Variants in ARNT2 observed in about 807,000 individuals in gnomAD.
ARNT2 encodes ARNT protein 2.
Under a neutral mutation model 91.7 loss-of-function variants are expected in ARNT2, and 36 were observed. The observed-to-expected ratio is 0.39, with a 90% confidence interval of 0.30 to 0.52. ARNT2 has a LOEUF of 0.52. Ranked by LOEUF, ARNT2 falls within the 20% of genes least tolerant of loss-of-function variation. The probability of loss-of-function intolerance (pLI) is 0.72; values close to 1 mark genes in which losing one functional copy is unlikely to be tolerated. For missense variants in ARNT2, 775 were observed against 939.3 expected (o/e 0.83, Z 2.29); for synonymous variants, 365 against 347.1 (o/e 1.05, Z -0.57).
chr15:80,513,557 C>T (rs1459098440), intron 6 of ARNT2, among the ~76,000 whole-genome samples: 1 of 152,096 alleles, frequency 6.6e-6, no homozygotes, highest in Non-Finnish European at 1.5e-5. Flanking sequence ...CACCCTCTTC[C>T]CTTCTTTCCT....
chr15:80,419,763 C>T (rs537204127), intron 1 of ARNT2, among the ~76,000 whole-genome samples: 1 of 152,328 alleles, frequency 6.6e-6, no homozygotes, highest in Admixed American at 6.5e-5. Flanking sequence ...GGAGAAAAAG[C>T]TGAACAGACA....
chr15:80,545,359 A>G (rs555195029), intron 8 of ARNT2, among the ~76,000 whole-genome samples: 56 of 152,232 alleles, frequency 3.7e-4, no homozygotes, highest in Non-Finnish European at 7.5e-4. Flanking sequence ...TTAAAGGCAC[A>G]TGTGTGCTGT....
At chr15:80,537,691 T>C (rs1463704966) in intron 8 of ARNT2, among the ~76,000 whole-genome samples, 2 of 152,180 alleles carry the variant, frequency 1.3e-5, no homozygotes, top group South Asian at 2.1e-4. Flanking sequence ...AAAATATTTG[T>C]GTACCTCCAA....
chr15:80,531,672 A>G (rs770932245), intron 8 of ARNT2, among the ~76,000 whole-genome samples: 1 of 152,114 alleles, frequency 6.6e-6, no homozygotes, highest in Non-Finnish European at 1.5e-5. Flanking sequence ...TTTCCCCACT[A>G]ACCGGTAAAA....
intron 8 of ARNT2, among the ~76,000 whole-genome samples, chr15:80,523,243 G>T (rs1005962648): frequency 4.6e-5 from 7 of 152,230 alleles, no homozygotes; most frequent in Non-Finnish European, 8.8e-5. Context: ...AGATTTCCGA[G>T]AGTGGCCCAG....
intron 12 of ARNT2, among the ~76,000 whole-genome samples, chr15:80,568,227 G>C (rs982173719): frequency 6.6e-6 from 1 of 152,180 alleles, no homozygotes; most frequent in Admixed American, 6.5e-5. Flanking sequence ...GCACTGGGGG[G>C]CCAAGACTCA....
chr15:80,472,069 G>A (rs4778796), intron 4 of ARNT2, among the ~76,000 whole-genome samples: 119,591 of 151,870 alleles, frequency 0.79, 47,271 homozygotes, highest in East Asian at 0.95. Flanking sequence ...GATAAATGAG[G>A]TGATGGATTT....
At chr15:80,441,642 G>C (rs1449068675) in intron 1 of ARNT2, among the ~76,000 whole-genome samples, 1 of 152,188 alleles carries the variant, frequency 6.6e-6, no homozygotes, top group Non-Finnish European at 1.5e-5. Context: ...GAAATGTAGG[G>C]AGAGCAAGAT....
chr15:80,479,792 T>A (rs1896858817), intron 5 of ARNT2, among the ~76,000 whole-genome samples: 1 of 152,184 alleles, frequency 6.6e-6, no homozygotes, highest in South Asian at 2.1e-4. Context: ...TGGCTCATTT[T>A]GGTCTACCTG....
Position 80,571,048 on chromosome 15 carries a change from G to A in ARNT2, c.1317-3100G>A, listed in dbSNP as rs114765481. Among the ~76,000 whole-genome samples, 812 of 152,292 alleles carry A rather than the reference G, an allele frequency of 5.3e-3. 9 individuals are homozygous for A. The highest frequency in any genetic ancestry group is 0.018 in the African/African-American group (732 of 41,550). On this transcript the variant is annotated intron_variant, in intron 12 of 18. Transcript: ENST00000303329. ...CAGATCATACATATTTTATAATGCC[G>A]AGTAAAAGAGTTTAGAAACAGAATC... is the stretch of plus-strand genomic sequence containing the variant.
chr15:80,499,667 T>A (rs1343259652), intron 5 of ARNT2, among the ~76,000 whole-genome samples: 1 of 152,212 alleles, frequency 6.6e-6, no homozygotes, highest in African/African-American at 2.4e-5. Flanking sequence ...GGACTCTGAT[T>A]GGCCTGGTTG....
intron 1 of ARNT2, among the ~76,000 whole-genome samples, chr15:80,413,258 C>G (rs181246886): frequency 3.7e-4 from 57 of 152,316 alleles, no homozygotes; most frequent in Non-Finnish European, 7.1e-4. Flanking sequence ...CCCTCCACCC[C>G]CTCCCTTACC....
intron 11 of ARNT2, 59 bp downstream of exon 11, chr15:80,555,198 G>T: frequency 6.4e-7 from 1 of 1,569,322 alleles, no homozygotes; most frequent in Non-Finnish European, 8.8e-7. Context: ...TGTGGATGTG[G>T]CTGGCAGGAC....
intron 10 of ARNT2, among the ~76,000 whole-genome samples, chr15:80,554,344 G>C (rs999772375): frequency 2.0e-5 from 3 of 152,170 alleles, no homozygotes; most frequent in Non-Finnish European, 4.4e-5. Flanking sequence ...AGGAGGCGGA[G>C]GTTGCAGTGA....
At chr15:80,513,832 A>G in intron 6 of ARNT2, 79 bp from the exon 7 acceptor site, 2 of 1,234,828 alleles carry the variant, frequency 1.6e-6, no homozygotes, top group Non-Finnish European at 2.4e-6. Context: ...ATTAAGGCTC[A>G]TCTACTTGAT....
chr15:80,429,661 G>A (rs950803517), intron 1 of ARNT2, among the ~76,000 whole-genome samples: 12 of 152,196 alleles, frequency 7.9e-5, no homozygotes, highest in East Asian at 1.9e-4. Flanking sequence ...TAGGAGGCTC[G>A]GACGTGTGAT....
intron 14 of ARNT2, among the ~76,000 whole-genome samples, chr15:80,576,284 T>TG (rs1045099124): frequency 2.5e-4 from 17 of 67,912 alleles, no homozygotes; most frequent in Non-Finnish European, 9.1e-4. Context: ...TCTCATTAAT[T>TG]TTTTTTTTTT....
intron 5 of ARNT2, among the ~76,000 whole-genome samples, chr15:80,501,788 C>G (rs1359518149): frequency 1.3e-5 from 2 of 152,172 alleles, no homozygotes; most frequent in African/African-American, 4.8e-5. Flanking sequence ...AGTAGGAATG[C>G]CTGATTCCAT....
chr15:80,485,509 C>T (rs1013930869), intron 5 of ARNT2, among the ~76,000 whole-genome samples: 5 of 152,192 alleles, frequency 3.3e-5, no homozygotes, highest in African/African-American at 1.2e-4. Context: ...GAGATAATCA[C>T]ATCTAACACA....
Sources: allele counts gnomAD v4.1 joint callset (sites outside exome capture counted in the v4.1 genomes callset), GRCh38; gene constraint gnomAD v4.1.1; transcripts MANE v1.5; gene names NCBI Gene and HGNC (gene_info 2026-07-23, HGNC 2026-07-21).